CP: variants seen among roughly 807,000 people sequenced by gnomAD.
The protein encoded by CP is caeruloplasmin.
CP carries 64 observed loss-of-function variants against 122.4 expected under a neutral mutation model. The ratio of observed to expected loss-of-function variants is 0.52; its 90% CI spans 0.43 to 0.64. The LOEUF is 0.64. Ranked by LOEUF, CP falls within the 30% of genes least tolerant of loss-of-function variation. The pLI is 0.00. For synonymous variants in CP, 440 were observed against 436.4 expected (o/e 1.01, Z -0.10); for missense variants, 1,167 against 1,284.4 (o/e 0.91, Z 1.40).
intron 5 of CP, among the ~76,000 whole-genome samples, chr3:149,206,705 G>C (rs750841633): frequency 6.6e-6 from 1 of 152,112 alleles, no homozygotes; most frequent in Non-Finnish European, 1.5e-5. Flanking sequence ...TTGGGTGGAG[G>C]AGGAGGTACA....
chr3:149,186,428 A>C (rs1357564297), intron 11 of CP, 92 bp downstream of exon 11: 9 of 1,223,918 alleles, frequency 7.4e-6, no homozygotes, highest in African/African-American at 1.5e-5. Flanking sequence ...TGGGGAAGGG[A>C]TAAGTTTATC....
intron 1 of CP, among the ~76,000 whole-genome samples, chr3:149,215,226 G>A (rs1374217656): frequency 1.3e-5 from 2 of 152,110 alleles, no homozygotes; most frequent in Non-Finnish European, 2.9e-5. Context: ...CATACATCAT[G>A]TCCTATTTTG....
In CP at chr3:149,201,871, A is replaced by G. The variant is rs558997021; in HGVS notation, c.1348+231T>C. ...CAGCCTCCCAAAGTGCTGAGATTAC[A>G]GGGGTGAGCTACCACTCCCGGCCGT... is the stretch of plus-strand genomic sequence containing the variant. On this transcript the variant is annotated intron_variant, in intron 7 of 18. Transcript: ENST00000264613. Among the ~76,000 whole-genome samples, 519 of 152,346 alleles carry G rather than the reference A, an allele frequency of 3.4e-3. 2 individuals are homozygous for G. The highest frequency in any genetic ancestry group is 5.6e-3 in the Non-Finnish European group (381 of 68,032).
intron 4 of CP, chr3:149,166,062 AG>A: frequency 4.4e-6 from 2 of 455,728 alleles, no homozygotes; most frequent in Non-Finnish European, 8.8e-6. Context: ...TGTAGCAAAA[AG>A]GGTACAGGGA....
downstream of CP, among the ~76,000 whole-genome samples, chr3:149,167,676 T>C (rs944664159): frequency 2.0e-5 from 3 of 152,166 alleles, no homozygotes; most frequent in Non-Finnish European, 4.4e-5. Context: ...GTACAATATA[T>C]GTATTACTGG....
intron 12 of CP, among the ~76,000 whole-genome samples, chr3:149,184,334 C>T (rs554804885): frequency 6.6e-6 from 1 of 152,078 alleles, no homozygotes. Flanking sequence ...CGCGCCCGGC[C>T]AGTTTTCACT....
intron 16 of CP, among the ~76,000 whole-genome samples, 185 bp downstream of exon 16, chr3:149,178,230 T>C (rs1434383759): frequency 6.6e-6 from 1 of 152,214 alleles, no homozygotes; most frequent in Non-Finnish European, 1.5e-5. Context: ...AATTGGAAAA[T>C]AAATTAGCAA....
At chr3:149,196,009 G>T (rs961000810) in intron 9 of CP, among the ~76,000 whole-genome samples, 1 of 152,164 alleles carries the variant, frequency 6.6e-6, no homozygotes, top group African/African-American at 2.4e-5. Context: ...TATATCCAGT[G>T]GTGGCAAAAC....
rs60815739 is a variant in CP, at chr3:149,188,490, CAAAAAAAAAAAAAAAAAA to C, written c.1714-306_1714-289del. On this transcript the variant is annotated intron_variant, in intron 9 of 18. Coordinates refer to ENST00000264613, the MANE Select transcript of CP (RefSeq NM_000096.4). Reference sequence around the variant, plus strand: ...CATTGTGCATACCAATTGAAGCCTCCAAAAAAAAAAAAAAAAAAAAAAAAAAAAAGTTAAAATAGGAAA... The same window carrying C: ...CATTGTGCATACCAATTGAAGCCTCCAAAAAAAAAAAGTTAAAATAGGAAA... Among the ~76,000 whole-genome samples, 13 of 46,102 alleles carry C rather than the reference CAAAAAAAAAAAAAAAAAA, an allele frequency of 2.8e-4. No homozygotes were observed. In the Admixed American group the frequency reaches 3.9e-3, roughly 14 times the overall value. 30.2% of individuals were successfully genotyped at this position (46,102 alleles called of 152,430 possible). A position where few individuals can be genotyped will look rare whatever the true frequency, so the allele number is the denominator to read the frequency against.
intron 4 of CP, among the ~76,000 whole-genome samples, chr3:149,208,287 T>C (rs1250210409): frequency 6.6e-6 from 1 of 152,068 alleles, no homozygotes; most frequent in Non-Finnish European, 1.5e-5. Flanking sequence ...AAGTGGAAAT[T>C]AGTTCTGGGA....
At position 149,221,514 on chromosome 3, in the gene CP, G is replaced by C. The variant is rs1728805549; in HGVS notation, c.146+133C>G. The C allele has an allele frequency of 2.8e-6, 2 of 705,478 alleles. 1 individual carries two copies. The highest frequency in any genetic ancestry group is 4.2e-5 in the South Asian group (2 of 47,216). The allele number at this position is 705,478 out of a possible 1,614,324, so 43.7% of individuals were successfully genotyped here. ...AGGAATATAAAGGAGATTGATTCAA[G>C]TGTCTTGGGTTTCAAGCCCACATTT... On this transcript the variant is annotated intron_variant, in intron 1 of 18. Transcript: ENST00000264613.
At chr3:149,170,969 C>T (rs1328090783), downstream of CP, among the ~76,000 whole-genome samples, 1 of 152,020 alleles carries the variant, frequency 6.6e-6, no homozygotes, top group Non-Finnish European at 1.5e-5. Context: ...ATGTATGTTA[C>T]ATTCCTTAAT....
chr3:149,167,290 C>T lies in CP; in HGVS notation c.587-1240G>A, dbSNP rs2681092. The T allele has an allele frequency of 0.43, 619,337 of 1,428,630 alleles. 137,493 individuals carry two copies. Among genetic ancestry groups the T allele is most frequent in the African/African-American group, 0.6 (42,603 of 70,764 alleles). 88.5% of individuals were successfully genotyped at this position (1,428,630 alleles called of 1,614,324 possible). A position where few individuals can be genotyped will look rare whatever the true frequency, so the allele number is the denominator to read the frequency against. ...TAGGCTTGATCAGTGATAATCAGAT[C>T]TGATAACCTCATTTCCTTTCCTGCA... On this transcript the variant is annotated intron_variant, in intron 4 of 5. Transcript: ENST00000479771.
At chr3:149,208,794 A>G (rs1204495509) in intron 4 of CP, among the ~76,000 whole-genome samples, 1 of 152,214 alleles carries the variant, frequency 6.6e-6, no homozygotes, top group Non-Finnish European at 1.5e-5. Context: ...CATAGTATGT[A>G]AAACGAATAC....
rs148071154 is a variant in CP, at chr3:149,176,490, A to G, written c.3019-78T>C. 2.5e-3 allele frequency: 2,858 copies of G among 1,157,428 alleles called. 11 individuals are homozygous for G. The highest frequency in any genetic ancestry group is 0.01 in the Middle Eastern group (45 of 4,436). 71.7% of individuals were successfully genotyped at this position (1,157,428 alleles called of 1,614,324 possible). A position where few individuals can be genotyped will look rare whatever the true frequency, so the allele number is the denominator to read the frequency against. ...CATGTCATTTGTTAATGTTCAGCTC[A>G]GGGATATTGAAAAAATGGATAAATC... On this transcript the variant is annotated intron_variant, in intron 17 of 18. Coordinates refer to ENST00000264613, the MANE Select transcript of CP (RefSeq NM_000096.4).
chr3:149,190,258 T>C (rs929106008), intron 9 of CP, among the ~76,000 whole-genome samples: 1 of 151,992 alleles, frequency 6.6e-6, no homozygotes, highest in Non-Finnish European at 1.5e-5. Flanking sequence ...ACCACATATA[T>C]AGGGGAGAAA....
At chr3:149,185,039 A>G in intron 12 of CP, 200 bp downstream of exon 12, 1 of 597,242 alleles carries the variant, frequency 1.7e-6, no homozygotes. Flanking sequence ...GATAAATGGA[A>G]ATTTTCCCTT....
At chr3:149,164,917 A>G (rs1724258443) in intron 5 of CP, among the ~76,000 whole-genome samples, 1 of 152,050 alleles carries the variant, frequency 6.6e-6, no homozygotes, top group Admixed American at 6.6e-5. Context: ...CATTTACACT[A>G]TGGGAACTAC....
At chr3:149,202,959 T>G (rs1288252040) in intron 6 of CP, among the ~76,000 whole-genome samples, 29 of 135,462 alleles carry the variant, frequency 2.1e-4, no homozygotes, top group African/African-American at 8.3e-4. Context: ...CAGGCTGGAG[T>G]GCAGTGGTGC....
Sources: gnomAD v4.1 joint callset for allele counts (sites outside exome capture counted in the v4.1 genomes callset) on GRCh38, gnomAD v4.1.1 for gene constraint, MANE v1.5 for transcripts, NCBI Gene and HGNC (gene_info 2026-07-23, HGNC 2026-07-21) for gene names.